RHOT2: variants seen among roughly 807,000 people sequenced by gnomAD.
RHOT2 encodes the protein ras homolog family member T2.
In RHOT2, 90 loss-of-function variants were observed where a neutral mutation model predicts 81.6. The observed-to-expected ratio is 1.10, with a 90% CI of 0.93 to 1.31. The LOEUF is 1.31. RHOT2 is among the 40% of genes most tolerant of loss of function. RHOT2 has a pLI of 0.00. For missense variants in RHOT2, 1,014 were observed against 841.9 expected (o/e 1.20, Z -2.53); for synonymous variants, 512 against 370.9 (o/e 1.38, Z -4.37).
chr16:674,058 G>T lies in RHOT2; in HGVS notation c.*452G>T, dbSNP rs1157248401. On this transcript the variant is annotated 3_prime_UTR_variant, in exon 19 of 19. Coordinates refer to ENST00000315082, the MANE Select transcript of RHOT2 (RefSeq NM_138769.3). ...TGGGGGGTCCCCCCTCAAGTTTGGA[G>T]CCGTTTCCGTGGTTGTAGCAGAGGA... 7.9e-6 allele frequency: 2 copies of T among 252,756 alleles called. No individual in the cohort carries two copies. Among genetic ancestry groups the T allele is most frequent in the Non-Finnish European group, 8.1e-6 (1 of 123,362 alleles). The allele number at this position is 252,756 out of a possible 1,614,324, so 15.7% of individuals were successfully genotyped here.
chr16:668,999 T>G, intron 4 of RHOT2: 1 of 491,748 alleles, frequency 2.0e-6, no homozygotes, highest in Non-Finnish European at 3.6e-6. Context: ...CCCCGTGCTG[T>G]GTGCTCCAGC....
chr16:670,597 G>A (rs756732544), intron 8 of RHOT2, 40 bp downstream of exon 8: 24 of 1,597,830 alleles, frequency 1.5e-5, no homozygotes, highest in Non-Finnish European at 1.9e-5. Flanking sequence ...GTTCCCCAGG[G>A]GCCCAGGGGG....
chr16:669,683 TG>T, intron 5 of RHOT2, 77 bp downstream of exon 5: 1 of 1,450,248 alleles, frequency 6.9e-7, no homozygotes, highest in South Asian at 1.1e-5. Context: ...ACCCAACCCG[TG>T]GCCAGTGCCA....
At chr16:669,518 G>T in intron 4 of RHOT2, 35 bp from the exon 5 acceptor site, 1 of 1,607,508 alleles carries the variant, frequency 6.2e-7, no homozygotes, top group East Asian at 2.2e-5. Context: ...TGAGCCAGCA[G>T]CCCTGTCACC....
chr16:668,787 C>G (rs1020505533), intron 4 of RHOT2, 88 bp downstream of exon 4: 6 of 1,382,384 alleles, frequency 4.3e-6, no homozygotes, highest in Non-Finnish European at 5.9e-6. Flanking sequence ...CCGAGGTGCT[C>G]CGGGTGTCCT....
intron 4 of RHOT2, 111 bp from the exon 5 acceptor site, chr16:669,442 T>G (rs2038525114): frequency 4.8e-6 from 5 of 1,049,700 alleles, no homozygotes; most frequent in Admixed American, 2.0e-5. Context: ...GCACCCATGC[T>G]ACCTGTGAGC....
At chr16:668,852 G>A in intron 4 of RHOT2, 153 bp downstream of exon 4, 2 of 735,390 alleles carry the variant, frequency 2.7e-6, no homozygotes, top group Non-Finnish European at 4.3e-6. Context: ...CCCCTACAGC[G>A]CACCCCGCTG....
At position 672,144 on chromosome 16, in the gene RHOT2, C is replaced by T. The variant is rs764323586; in HGVS notation, c.1158C>T (p.Pro386=). ...GACACCTAGGCTACCTGGGCTACCC[C>T]ACCCTCTGTGAGCAGGACCAGGCCC... ...CLGHLGYLGY[P]TLCEQDQAHA... Residue 386 remains proline, a synonymous_variant, in exon 14 of 19, where the codon CCC becomes CCT. Transcript: ENST00000315082. 2.5e-5 allele frequency: 40 copies of T among 1,612,650 alleles called. No individual in the cohort carries two copies. In the South Asian group the frequency reaches 3.7e-4, roughly 15 times the overall value.
At position 673,030 on chromosome 16, in the gene RHOT2, C is replaced by T. The variant is rs983443032; in HGVS notation, c.1630C>T (p.Arg544Cys). 36 of 1,612,230 alleles carry T rather than the reference C, an allele frequency of 2.2e-5. No homozygotes were observed. The highest frequency in any genetic ancestry group is 1.7e-4 in the African/African-American group (13 of 74,938). Residue 544 changes from arginine (R) to cysteine (C), a missense_variant, in exon 18 of 19, where the codon CGC becomes TGC. Transcript: ENST00000315082. ...TGGCCCATCACCGGCCGAGTTTTGC[C>T]GCAAGCACCGGCTACCCGCTCCCGT... The part of the protein sequence containing the change: ...VSGPSPAEFC[R>C]KHRLPAPVPF...
chr16:671,420 G>GC, intron 11 of RHOT2: 4 of 520,648 alleles, frequency 7.7e-6, no homozygotes, highest in South Asian at 2.3e-5. Flanking sequence ...GGGTGGGGGG[G>GC]CTGGCCCTTT....
rs2039372981 is a variant in RHOT2, at chr16:674,048, C to G, written c.*442C>G. ...AAGCAGGCGTTGGGGGGTCCCCCCT[C>G]AAGTTTGGAGCCGTTTCCGTGGTTG... On this transcript the variant is annotated 3_prime_UTR_variant, in exon 19 of 19. Transcript: ENST00000315082. The G allele has an allele frequency of 3.8e-6, 1 of 263,286 alleles. No individual in the cohort carries two copies. Among genetic ancestry groups the G allele is most frequent in the Non-Finnish European group, 7.7e-6 (1 of 129,178 alleles). The allele number at this position is 263,286 out of a possible 1,614,324, so 16.3% of individuals were successfully genotyped here.
rs771005653 is a variant in RHOT2, at chr16:672,336, A to G, written c.1278A>G (p.Gly426=). The G allele has an allele frequency of 6.2e-6, 10 of 1,611,910 alleles. No homozygotes were observed. Among genetic ancestry groups the G allele is most frequent in the Non-Finnish European group, 8.5e-6 (10 of 1,179,534 alleles). Residue 426 remains glycine, a synonymous_variant, in exon 15 of 19, where the codon GGA becomes GGG. Coordinates refer to ENST00000315082, the MANE Select transcript of RHOT2 (RefSeq NM_138769.3). ...VLLCKVVGAR[G]VGKSAFLQAF... is the part of the protein sequence containing the mutation. ...TGTGCAAGGTGGTAGGGGCCCGTGG[A>G]GTGGGCAAGTCTGCCTTCCTGCAGG... is the stretch of plus-strand genomic sequence containing the variant.
chr16:670,664 C>T lies in RHOT2; in HGVS notation c.541-11C>T, dbSNP rs370576742. On this transcript the variant is annotated splice_polypyrimidine_tract_variant and intron_variant, in intron 8 of 18. Coordinates refer to ENST00000315082, the MANE Select transcript of RHOT2 (RefSeq NM_138769.3). ...GGGTCACCTGAGGGTGCTGAGCCAA[C>T]ATCCCCACAGTTGAGGCCCGCGTGC... The T allele has an allele frequency of 2.5e-6, 4 of 1,611,502 alleles. No homozygotes were observed. Among genetic ancestry groups the T allele is most frequent in the African/African-American group, 2.7e-5 (2 of 74,918 alleles).
chr16:672,655 G>C (rs2039166392), intron 16 of RHOT2, 48 bp from the exon 17 acceptor site: 1 of 1,611,238 alleles, frequency 6.2e-7, no homozygotes, highest in Non-Finnish European at 8.5e-7. Flanking sequence ...CATGGCCCTA[G>C]GGGGACCGAG....
At chr16:669,183 G>A (rs1313219153) in intron 4 of RHOT2, 12 of 406,300 alleles carry the variant, frequency 3.0e-5, no homozygotes, top group South Asian at 1.5e-4. Flanking sequence ...GGGCCAAGGC[G>A]GCGGCTGTCT....
chr16:669,511 G>C, intron 4 of RHOT2, 42 bp from the exon 5 acceptor site: 2 of 1,603,704 alleles, frequency 1.2e-6, no homozygotes, highest in Non-Finnish European at 8.5e-7. Context: ...TCGGTGGTGA[G>C]CCAGCAGCCC....
At chr16:671,390 C>T (rs2038908297) in intron 11 of RHOT2, 187 bp downstream of exon 11, 3 of 759,650 alleles carry the variant, frequency 3.9e-6, no homozygotes, top group Admixed American at 3.0e-5. Context: ...CCCTCAGCAT[C>T]CACAGAGCTC....
intron 11 of RHOT2, 82 bp downstream of exon 11, chr16:671,285 C>G: frequency 6.8e-7 from 1 of 1,478,976 alleles, no homozygotes; most frequent in Non-Finnish European, 9.0e-7. Flanking sequence ...CCATGAGTGA[C>G]GCTGGGGTTT....
At chr16:671,278 T>A in intron 11 of RHOT2, 75 bp downstream of exon 11, 1 of 1,497,174 alleles carries the variant, frequency 6.7e-7, no homozygotes, top group Non-Finnish European at 8.9e-7. Context: ...CTCCCCTCCA[T>A]GAGTGACGCT....
Sources: gnomAD v4.1 joint callset for allele counts on GRCh38, gnomAD v4.1.1 for gene constraint, MANE v1.5 for transcripts, NCBI Gene and HGNC (gene_info 2026-07-23, HGNC 2026-07-21) for gene names.